IFI44L: variants seen among roughly 807,000 people sequenced by gnomAD.
IFI44L encodes the protein interferon induced protein 44 like, also known as interferon-induced protein 44-like.
IFI44L carries 40 observed loss-of-function variants against 39.3 expected under a neutral mutation model. The ratio of observed to expected loss-of-function variants is 1.02; its 90% CI spans 0.79 to 1.33. The LOEUF is 1.33. IFI44L is among the 40% of genes most tolerant of loss of function. IFI44L has a pLI of 0.00. For missense variants in IFI44L, 623 were observed against 549.0 expected (o/e 1.13, Z -1.35); for synonymous variants, 198 against 182.3 (o/e 1.09, Z -0.69).
At chr1:78,623,117 T>C (rs1323611880) in intron 1 of IFI44L, among the ~76,000 whole-genome samples, 2 of 152,230 alleles carry the variant, frequency 1.3e-5, no homozygotes, top group Non-Finnish European at 2.9e-5. Context: ...ACATATAAGA[T>C]AATATCATCT....
rs775664570 is a variant in IFI44L at position 78,629,709 on chromosome 1, T to C, written c.528-11T>C. The C allele has an allele frequency of 3.7e-6, 6 of 1,600,568 alleles. No homozygotes were observed. The East Asian group carries it at 1.1e-4, about 30-fold the overall frequency. ...GTTCTGATGCTGTATTTAACCACTATATTTTAACAGGCACAGAAATAGGCT... is the reference window on the plus strand; with the variant it reads ...GTTCTGATGCTGTATTTAACCACTACATTTTAACAGGCACAGAAATAGGCT... On this transcript the variant is annotated splice_polypyrimidine_tract_variant and intron_variant, in intron 3 of 8. Transcript: ENST00000370751.
chr1:78,639,341 A>G (rs949557327), intron 6 of IFI44L, among the ~76,000 whole-genome samples: 1 of 152,118 alleles, frequency 6.6e-6, no homozygotes, highest in African/African-American at 2.4e-5. Context: ...GGACATATCC[A>G]TGGATAGGGC....
intron 2 of IFI44L, 108 bp from the exon 3 acceptor site, chr1:78,628,843 A>G: frequency 1.4e-6 from 1 of 722,156 alleles, no homozygotes; most frequent in Middle Eastern, 2.4e-4. Flanking sequence ...TGAGCAGCTC[A>G]GCCCTGGGTT....
intron 1 of IFI44L, among the ~76,000 whole-genome samples, chr1:78,624,125 G>A (rs1004305320): frequency 1.3e-5 from 2 of 151,962 alleles, no homozygotes; most frequent in African/African-American, 4.8e-5. Context: ...CTGAGTAGCT[G>A]GGACTACAGG....
At chr1:78,629,552 G>T in intron 3 of IFI44L, 168 bp from the exon 4 acceptor site, 1 of 480,318 alleles carries the variant, frequency 2.1e-6, no homozygotes, top group Non-Finnish European at 3.6e-6. Context: ...TATAACTTTA[G>T]ATATTTCAAA....
At chr1:78,635,533 C>T (rs1557687830) in intron 5 of IFI44L, 44 bp downstream of exon 5, 1 of 1,578,756 alleles carries the variant, frequency 6.3e-7, no homozygotes. Context: ...TCATTTTCTT[C>T]AGTATTTTTC....
chr1:78,628,689 T>C, intron 2 of IFI44L: 1 of 511,734 alleles, frequency 2.0e-6, no homozygotes, highest in Non-Finnish European at 3.4e-6. Context: ...TGCTCTGTTT[T>C]GACATATGAC....
intron 4 of IFI44L, among the ~76,000 whole-genome samples, chr1:78,630,941 A>G (rs1282687675): frequency 6.6e-6 from 1 of 152,176 alleles, no homozygotes; most frequent in Admixed American, 6.6e-5. Context: ...TAGAGACCTA[A>G]ATACAAATAA....
At chr1:78,621,304 C>T (rs778640190) in intron 1 of IFI44L, among the ~76,000 whole-genome samples, 2 of 152,144 alleles carry the variant, frequency 1.3e-5, no homozygotes, top group Non-Finnish European at 2.9e-5. Flanking sequence ...TGGAGTCTCA[C>T]TCTATTGCCC....
At chr1:78,633,915 T>A (rs1032928783) in intron 4 of IFI44L, among the ~76,000 whole-genome samples, 1 of 151,654 alleles carries the variant, frequency 6.6e-6, no homozygotes, top group Non-Finnish European at 1.5e-5. Context: ...ATTTCAGAGA[T>A]GAAAAATACA....
At position 78,643,652 on chromosome 1, in the gene IFI44L, G is replaced by GTTTTTTTTTTTTTTTT. The variant is rs199785880; in HGVS notation, c.*1858_*1859insTTTTTTTTTTTTTTTT. On this transcript the variant is annotated 3_prime_UTR_variant, in exon 9 of 9. Coordinates refer to ENST00000370751, the MANE Select transcript of IFI44L (RefSeq NM_006820.4). ...TTTGTTTTGTTTTTTTTTTGTTGTT[G>GTTTTTTTTTTTTTTTT]TTTTTTTTTTTTTTTGTTTTTTTGC... 7.3e-5 allele frequency: 7 copies of GTTTTTTTTTTTTTTTT among 95,906 alleles called. No homozygotes were observed. Among genetic ancestry groups the GTTTTTTTTTTTTTTTT allele is most frequent in the Non-Finnish European group, 1.3e-4 (5 of 39,260 alleles). The allele number at this position is 95,906 out of a possible 1,614,324, so 5.9% of individuals were successfully genotyped here. A position where few individuals can be genotyped will look rare whatever the true frequency, so the allele number is the denominator to read the frequency against.
chr1:78,644,951 T>C lies in IFI44L; in HGVS notation c.*3142T>C, dbSNP rs1017830570. On this transcript the variant is annotated 3_prime_UTR_variant, in exon 9 of 9. Transcript: ENST00000370751. ...ACCCACCATCTACCTCAATAAAATA[T>C]AGAGAAAAGAAAAATAGAGCAGTTT... The C allele has an allele frequency of 3.3e-5, 5 of 152,138 alleles. No homozygotes were observed. Among genetic ancestry groups the C allele is most frequent in the Non-Finnish European group, 5.9e-5 (4 of 68,018 alleles). The allele number at this position is 152,138 out of a possible 1,614,324, so 9.4% of individuals were successfully genotyped here.
At chr1:78,637,652 C>G (rs1444758135) in intron 6 of IFI44L, among the ~76,000 whole-genome samples, 5 of 152,098 alleles carry the variant, frequency 3.3e-5, no homozygotes, top group African/African-American at 7.2e-5. Flanking sequence ...TTGGCAACCA[C>G]TAATATTTTC....
chr1:78,632,493 A>C (rs545903379), intron 4 of IFI44L, among the ~76,000 whole-genome samples: 76 of 152,316 alleles, frequency 5.0e-4, no homozygotes, highest in Non-Finnish European at 8.7e-4. Flanking sequence ...AATTAGGTTA[A>C]AAAATCATGC....
At chr1:78,620,921 A>T (rs984184095) in intron 1 of IFI44L, 1 of 152,186 alleles carries the variant, frequency 6.6e-6, no homozygotes, top group Admixed American at 6.6e-5. Flanking sequence ...CTCTGCCTCC[A>T]TGAAATCAAC....
Position 78,627,900 on chromosome 1 carries a change from C to T in IFI44L, c.-10-6C>T, listed in dbSNP as rs1443459125. On this transcript the variant is annotated splice_region_variant and splice_polypyrimidine_tract_variant and intron_variant, in intron 1 of 8. Coordinates refer to ENST00000370751, the MANE Select transcript of IFI44L (RefSeq NM_006820.4). ...GCTTCTCAACCTATAATTGTTTTTC[C>T]ATTAGATATAGAACAATGGAAGTGA... is the stretch of plus-strand genomic sequence containing the variant. 3 of 1,476,230 alleles carry T rather than the reference C, an allele frequency of 2.0e-6. No individual in the cohort carries two copies. The highest frequency in any genetic ancestry group is 2.8e-5 in the African/African-American group (2 of 70,350). 91.4% of individuals were successfully genotyped at this position (1,476,230 alleles called of 1,614,324 possible). A position where few individuals can be genotyped will look rare whatever the true frequency, so the allele number is the denominator to read the frequency against.
intron 3 of IFI44L, 116 bp downstream of exon 3, chr1:78,629,115 G>T (rs757099739): frequency 1.4e-6 from 1 of 710,512 alleles, no homozygotes; most frequent in Non-Finnish European, 2.5e-6. Flanking sequence ...TTAAAAAAGA[G>T]TTATAATGTT....
In IFI44L at chr1:78,628,095, G is replaced by T; in HGVS notation, c.180G>T (p.Met60Ile). The T allele has an allele frequency of 1.2e-6, 2 of 1,612,776 alleles. No homozygotes were observed. The highest frequency in any genetic ancestry group is 1.1e-5 in the South Asian group (1 of 90,918). Reference protein sequence around the residue: ...TITMAYIDYNMIVAFMLGNYI... With the variant: ...TITMAYIDYNIIVAFMLGNYI... ...CAATGGCTTACATTGATTACAATAT[G>T]ATTGTAGCCTTTATGCTTGGAAATT... Residue 60 changes from methionine (M) to isoleucine (I), a missense_variant, in exon 2 of 9, where the codon ATG becomes ATT. Met to Ile is a conservative substitution (Grantham distance 10, BLOSUM62 1). Coordinates refer to ENST00000370751, the MANE Select transcript of IFI44L (RefSeq NM_006820.4).
At chr1:78,638,107 G>C (rs1420807907) in intron 6 of IFI44L, among the ~76,000 whole-genome samples, 3 of 152,024 alleles carry the variant, frequency 2.0e-5, no homozygotes, top group Non-Finnish European at 4.4e-5. Flanking sequence ...TGGTATCGTT[G>C]CTATTAAAAA....
Sources: gnomAD v4.1 joint callset for allele counts (sites outside exome capture counted in the v4.1 genomes callset) on GRCh38, gnomAD v4.1.1 for gene constraint, MANE v1.5 for transcripts, NCBI Gene and HGNC (gene_info 2026-07-23, HGNC 2026-07-21) for gene names.